Variants in SYN2 observed in about 807,000 individuals in gnomAD.
The protein encoded by SYN2 is synapsin-2.
In SYN2, 19 loss-of-function variants were observed where a neutral mutation model predicts 50.9. The ratio of observed to expected loss-of-function variants is 0.37; its 90% CI spans 0.26 to 0.55. The LOEUF (loss-of-function observed/expected upper bound fraction) is 0.55. SYN2 is among the 20% of genes least tolerant of loss of function. SYN2 has a pLI of 0.81. For missense variants in SYN2, 587 were observed against 576.4 expected (o/e 1.02, Z -0.19); for synonymous variants, 255 against 224.9 (o/e 1.13, Z -1.20).
At chr3:12,101,757 C>T (rs530132311) in intron 1 of SYN2, among the ~76,000 whole-genome samples, 1 of 152,138 alleles carries the variant, frequency 6.6e-6, no homozygotes, top group South Asian at 2.1e-4. Context: ...GTAAACATCC[C>T]TCATAGAGGA....
At chr3:12,064,364 A>G (rs1695168073) in intron 1 of SYN2, among the ~76,000 whole-genome samples, 1 of 152,010 alleles carries the variant, frequency 6.6e-6, no homozygotes, top group South Asian at 2.1e-4. Flanking sequence ...TCTACACTTA[A>G]AAACAAACAA....
chr3:12,030,635 A>G (rs1286387756), intron 1 of SYN2, among the ~76,000 whole-genome samples: 2 of 142,684 alleles, frequency 1.4e-5, no homozygotes, highest in Non-Finnish European at 3.1e-5. Context: ...GAATGTATCC[A>G]TTTCTTCTAG....
chr3:12,150,040 C>T (rs1362026375), intron 4 of SYN2, among the ~76,000 whole-genome samples: 5 of 152,200 alleles, frequency 3.3e-5, no homozygotes, highest in African/African-American at 1.2e-4. Flanking sequence ...TTTCTAACAA[C>T]CCAGTTCCGA....
chr3:12,121,680 AAGG>A (rs1696561881), intron 1 of SYN2, among the ~76,000 whole-genome samples: 1 of 144,414 alleles, frequency 6.9e-6, no homozygotes, highest in Non-Finnish European at 1.5e-5. Context: ...GGGAAGGAGA[AAGG>A]AAGGGAAGGG....
At chr3:12,070,675 G>T in intron 1 of SYN2, 2 of 1,184,692 alleles carry the variant, frequency 1.7e-6, no homozygotes, top group South Asian at 1.2e-5. Context: ...GCCTCTGGAT[G>T]CACCACTGGC....
chr3:12,056,762 A>T (rs1176743111), intron 1 of SYN2, among the ~76,000 whole-genome samples: 1 of 152,106 alleles, frequency 6.6e-6, no homozygotes, highest in Admixed American at 6.5e-5. Flanking sequence ...TCATTTACTG[A>T]TGTTGGCAAA....
At chr3:12,012,489 C>A (rs1177936656) in intron 1 of SYN2, among the ~76,000 whole-genome samples, 1 of 152,214 alleles carries the variant, frequency 6.6e-6, no homozygotes, top group Non-Finnish European at 1.5e-5. Flanking sequence ...TCTTCCCTAA[C>A]ACGTAGTTGC....
intron 1 of SYN2, among the ~76,000 whole-genome samples, chr3:12,128,091 C>G (rs185509304): frequency 6.6e-6 from 1 of 151,970 alleles, no homozygotes; most frequent in Admixed American, 6.6e-5. Context: ...ACCACAGACA[C>G]TAGCCACCAT....
chr3:12,100,847 A>G (rs532423245), intron 1 of SYN2, among the ~76,000 whole-genome samples: 2 of 152,328 alleles, frequency 1.3e-5, no homozygotes, highest in Admixed American at 6.5e-5. Flanking sequence ...ACAAATGGCC[A>G]TGAACATCTA....
intron 1 of SYN2, among the ~76,000 whole-genome samples, chr3:12,085,191 A>T (rs1341772213): frequency 6.6e-6 from 1 of 152,112 alleles, no homozygotes; most frequent in Non-Finnish European, 1.5e-5. Context: ...AAGGGATGGG[A>T]AAAGATATGC....
At chr3:12,170,942 A>G (rs1697923501) in intron 10 of SYN2, among the ~76,000 whole-genome samples, 1 of 152,222 alleles carries the variant, frequency 6.6e-6, no homozygotes. Context: ...TTGATAAGTC[A>G]GTTCCTTCTC....
chr3:12,008,296 A>AT (rs1372382052), intron 1 of SYN2, among the ~76,000 whole-genome samples: 11 of 152,212 alleles, frequency 7.2e-5, no homozygotes, highest in Non-Finnish European at 1.3e-4. Context: ...GACTGCAGAT[A>AT]TAAGGCAACA....
intron 1 of SYN2, among the ~76,000 whole-genome samples, chr3:12,107,769 A>T (rs906410772): frequency 1.3e-5 from 2 of 152,072 alleles, no homozygotes; most frequent in African/African-American, 4.8e-5. Context: ...GAGGAGCAAT[A>T]TGACTTACTC....
chr3:12,116,374 A>C (rs1365574745), intron 1 of SYN2, among the ~76,000 whole-genome samples: 2 of 152,262 alleles, frequency 1.3e-5, no homozygotes, highest in Middle Eastern at 3.4e-3. Flanking sequence ...GAAAAGGAAA[A>C]GGTTGCCCGG....
At position 12,162,086 on chromosome 3, in the gene SYN2, A is replaced by G. The variant is rs1697664805; in HGVS notation, c.912A>G (p.Ala304=). ...CTCTCACCCAGACCTATGCCACTGC[A>G]GAGCCTTTCATTGACTCCAAGTATG... ...VVALTQTYAT[A]EPFIDSKYDI... The change falls in exon 7 of 13, where the codon GCA becomes GCG. Residue 304 remains alanine (A), a synonymous_variant. Transcript: ENST00000621198. The G allele has an allele frequency of 1.2e-6, 2 of 1,614,142 alleles. No homozygotes were observed. The highest frequency in any genetic ancestry group is 1.3e-5 in the African/African-American group (1 of 75,034).
At chr3:12,084,954 G>T (rs1021102667) in intron 1 of SYN2, among the ~76,000 whole-genome samples, 2 of 151,116 alleles carry the variant, frequency 1.3e-5, no homozygotes, top group African/African-American at 4.9e-5. Context: ...CACAACGGAG[G>T]ACAGCAAGAG....
intron 1 of SYN2, among the ~76,000 whole-genome samples, chr3:12,059,797 C>CG (rs774263019): frequency 1.3e-5 from 2 of 151,584 alleles, no homozygotes; most frequent in Admixed American, 6.6e-5. Context: ...CCATGCTTGG[C>CG]GGGGGGCCCA....
intron 4 of SYN2, among the ~76,000 whole-genome samples, chr3:12,146,918 G>C (rs1393824682): frequency 6.6e-6 from 1 of 152,056 alleles, no homozygotes; most frequent in Non-Finnish European, 1.5e-5. Flanking sequence ...GGCCTCCCCT[G>C]CATCAACTCA....
chr3:12,161,844 T>C, intron 6 of SYN2, 168 bp from the exon 7 acceptor site: 1 of 1,096,064 alleles, frequency 9.1e-7, no homozygotes, highest in Non-Finnish European at 1.3e-6. Flanking sequence ...CCTTGAGTTC[T>C]GGGAAGGGAA....
Sources: gnomAD v4.1 joint callset for allele counts (sites outside exome capture counted in the v4.1 genomes callset) on GRCh38, gnomAD v4.1.1 for gene constraint, MANE v1.5 for transcripts, NCBI Gene and HGNC (gene_info 2026-07-23, HGNC 2026-07-21) for gene names.